PRKDC: variants seen among roughly 807,000 people sequenced by gnomAD.
The protein encoded by PRKDC is DNA-dependent protein kinase catalytic subunit.
A neutral mutation model predicts 486.9 loss-of-function variants in PRKDC; 82 were observed. That is an observed-to-expected ratio of 0.17 (90% CI 0.14 to 0.20). The LOEUF (loss-of-function observed/expected upper bound fraction) is 0.20, where lower values mean the gene tolerates loss of function less well. Ranked by LOEUF, PRKDC falls within the 10% of genes least tolerant of loss-of-function variation. PRKDC has a pLI of 1.00. For synonymous variants in PRKDC, 1,895 were observed against 1,837.0 expected (o/e 1.03, Z -0.81); for missense variants, 4,504 against 5,038.2 (o/e 0.89, Z 3.21).
intron 7 of PRKDC, among the ~76,000 whole-genome samples, chr8:47,948,336 T>C (rs2090571203): frequency 1.3e-5 from 2 of 151,726 alleles, no homozygotes; most frequent in Non-Finnish European, 2.9e-5. Context: ...TCTCGATCTC[T>C]TGACCTTGTG....
rs537136723 is a variant in PRKDC at position 47,949,692 on chromosome 8, T to C, written c.721+3928A>G. Among the ~76,000 whole-genome samples the C allele has an allele frequency of 2.0e-5, 3 of 152,138 alleles. No homozygotes were observed. The East Asian group carries it at 5.8e-4, about 30-fold the overall frequency. The stretch of plus-strand genomic sequence containing the variant: ...AGAGGAAGTGCTCACCTCAGGGGAA[T>C]CATAAATGCTTCCTAAGAGGGGTGA... On this transcript the variant is annotated intron_variant, in intron 7 of 85. Transcript: ENST00000314191.
chr8:47,905,212 A>G (rs139826388), intron 25 of PRKDC, among the ~76,000 whole-genome samples: 1 of 152,008 alleles, frequency 6.6e-6, no homozygotes, highest in Non-Finnish European at 1.5e-5. Flanking sequence ...TTTTTTTTGT[A>G]GAGACAGGGT....
chr8:47,905,065 A>G, intron 25 of PRKDC, 89 bp from the exon 26 acceptor site: 1 of 969,164 alleles, frequency 1.0e-6, no homozygotes, highest in Non-Finnish European at 1.6e-6. Context: ...CATTTGCAGT[A>G]TAAAATTAAG....
At chr8:47,834,892 G>T (rs1032739434) in intron 58 of PRKDC, among the ~76,000 whole-genome samples, 1 of 151,622 alleles carries the variant, frequency 6.6e-6, no homozygotes, top group African/African-American at 2.4e-5. Flanking sequence ...GGGTTTCACC[G>T]TGTTAGCCAG....
intron 85 of PRKDC, among the ~76,000 whole-genome samples, chr8:47,774,790 A>G (rs1208660622): frequency 6.6e-6 from 1 of 151,796 alleles, no homozygotes; most frequent in African/African-American, 2.4e-5. Context: ...AAAAAAAGAG[A>G]AAGTTTTAAA....
At chr8:47,886,801 C>T (rs1449007489) in intron 35 of PRKDC, among the ~76,000 whole-genome samples, 2 of 152,148 alleles carry the variant, frequency 1.3e-5, no homozygotes, top group Non-Finnish European at 2.9e-5. Context: ...GATCTTCCCA[C>T]CTCAGCCTCT....
chr8:47,778,814 T>C lies in PRKDC; in HGVS notation c.11580-15A>G. ...GATTAGCGCCCCTATGATTTAATAATAGAAACATCTAATTAGAAAAAATTT... is the reference window on the plus strand; with the variant it reads ...GATTAGCGCCCCTATGATTTAATAACAGAAACATCTAATTAGAAAAAATTT... On this transcript the variant is annotated splice_polypyrimidine_tract_variant and intron_variant, in intron 81 of 85. Transcript: ENST00000314191. The C allele has an allele frequency of 6.2e-7, 1 of 1,604,460 alleles. No homozygotes were observed. Among genetic ancestry groups the C allele is most frequent in the Non-Finnish European group, 8.5e-7 (1 of 1,176,018 alleles).
chr8:47,932,247 C>T (rs934507395), intron 16 of PRKDC, among the ~76,000 whole-genome samples: 4 of 152,164 alleles, frequency 2.6e-5, no homozygotes, highest in Non-Finnish European at 5.9e-5. Context: ...CCATGCCTGG[C>T]TAATTTTTTG....
At chr8:47,895,639 C>A (rs530320081) in intron 30 of PRKDC, among the ~76,000 whole-genome samples, 2 of 152,296 alleles carry the variant, frequency 1.3e-5, no homozygotes, top group South Asian at 4.1e-4. Context: ...TGCCCTCCAG[C>A]CCTTCCCCAG....
intron 40 of PRKDC, among the ~76,000 whole-genome samples, chr8:47,867,670 C>A (rs1428318824): frequency 6.6e-6 from 1 of 151,414 alleles, no homozygotes; most frequent in Non-Finnish European, 1.5e-5. Context: ...AGATGCACAG[C>A]GTAAAGGAAT....
In PRKDC at chr8:47,794,426, C is replaced by T. The variant is rs756722157; in HGVS notation, c.10534G>A (p.Val3512Ile). The T allele has an allele frequency of 8.1e-6, 13 of 1,613,592 alleles. No homozygotes were observed. Among genetic ancestry groups the T allele is most frequent in the East Asian group, 4.5e-5 (2 of 44,896 alleles). Residue 3512 changes from valine to isoleucine, a missense_variant, in exon 74 of 86, where the codon GTT becomes ATT. Transcript: ENST00000314191. ...TCTTCCACAGAGTGCTGAACAGCAA[C>T]GGCTTGGTCTTTGTCCAGTAAGGCC... ...MVALLDKDQAVAVQHSVEEIT... is the reference protein window; with the variant it reads ...MVALLDKDQAIAVQHSVEEIT...
chr8:47,852,108 C>T (rs1316741030), intron 52 of PRKDC, among the ~76,000 whole-genome samples: 1 of 152,142 alleles, frequency 6.6e-6, no homozygotes, highest in Non-Finnish European at 1.5e-5. Flanking sequence ...AGAGCAAGAA[C>T]CCAGCTCTAA....
intron 69 of PRKDC, 104 bp from the exon 70 acceptor site, chr8:47,803,584 G>C (rs1320548149): frequency 2.0e-6 from 2 of 984,510 alleles, no homozygotes; most frequent in African/African-American, 1.6e-5. Flanking sequence ...ATCCACCTTA[G>C]AGTAGCGAAT....
At chr8:47,918,973 A>T (rs2090031716) in intron 21 of PRKDC, among the ~76,000 whole-genome samples, 1 of 151,066 alleles carries the variant, frequency 6.6e-6, no homozygotes, top group African/African-American at 2.4e-5. Context: ...TTTTTTTTTT[A>T]AGCAATCATA....
intron 30 of PRKDC, among the ~76,000 whole-genome samples, chr8:47,895,795 C>A (rs1224211823): frequency 2.0e-5 from 3 of 152,134 alleles, no homozygotes; most frequent in Non-Finnish European, 2.9e-5. Flanking sequence ...AATCCCAGCA[C>A]TTTGGGAGGC....
intron 25 of PRKDC, among the ~76,000 whole-genome samples, chr8:47,910,161 G>T (rs2089870474): frequency 6.6e-6 from 1 of 152,090 alleles, no homozygotes; most frequent in African/African-American, 2.4e-5. Flanking sequence ...AAATAGAAAA[G>T]AACCTACGTT....
intron 31 of PRKDC, among the ~76,000 whole-genome samples, chr8:47,892,884 G>T (rs1395532719): frequency 6.6e-6 from 1 of 151,968 alleles, no homozygotes; most frequent in African/African-American, 2.4e-5. Flanking sequence ...TAACAGTTTT[G>T]TGTATTTAAA....
intron 21 of PRKDC, among the ~76,000 whole-genome samples, chr8:47,922,208 T>C (rs997010757): frequency 6.6e-6 from 1 of 152,044 alleles, no homozygotes; most frequent in Admixed American, 6.6e-5. Context: ...TCATGACTTA[T>C]TGCAGCCTTG....
chr8:47,933,488 T>C (rs777436903), intron 15 of PRKDC, among the ~76,000 whole-genome samples: 6 of 152,270 alleles, frequency 3.9e-5, no homozygotes, highest in Admixed American at 1.3e-4. Flanking sequence ...TGGATGTGTA[T>C]GTATAAACAC....
Sources: allele counts gnomAD v4.1 joint callset (sites outside exome capture counted in the v4.1 genomes callset), GRCh38; gene constraint gnomAD v4.1.1; transcripts MANE v1.5; gene names NCBI Gene and HGNC (gene_info 2026-07-23, HGNC 2026-07-21).